SLC30A6: variants seen among roughly 807,000 people sequenced by gnomAD.
The protein encoded by SLC30A6 is zinc transporter 6.
SLC30A6 carries 55 observed loss-of-function variants against 63.0 expected under a neutral mutation model. The ratio of observed to expected loss-of-function variants is 0.87; its 90% CI spans 0.70 to 1.09. The LOEUF (loss-of-function observed/expected upper bound fraction) is 1.09, where lower values mean the gene tolerates loss of function less well. Among genes scored for constraint, SLC30A6 ranks in the 50% least tolerant of loss-of-function variants. SLC30A6 has a pLI of 0.00. For synonymous variants in SLC30A6, 224 were observed against 186.1 expected (o/e 1.20, Z -1.66); for missense variants, 587 against 549.2 (o/e 1.07, Z -0.69).
At chr2:32,194,697 G>C (rs1166842324) in intron 8 of SLC30A6, among the ~76,000 whole-genome samples, 3 of 151,744 alleles carry the variant, frequency 2.0e-5, no homozygotes, top group South Asian at 4.2e-4. Flanking sequence ...CTCTAGGATA[G>C]TCAAGAGAAG....
intron 4 of SLC30A6, among the ~76,000 whole-genome samples, chr2:32,177,992 G>A (rs1681932045): frequency 6.9e-6 from 1 of 145,664 alleles, no homozygotes; most frequent in African/African-American, 2.6e-5. Context: ...CTGTCGCCCA[G>A]GCTGGAGTGC....
intron 5 of SLC30A6, among the ~76,000 whole-genome samples, chr2:32,191,947 G>T (rs1325430691): frequency 6.6e-6 from 1 of 152,050 alleles, no homozygotes; most frequent in Non-Finnish European, 1.5e-5. Context: ...GCACTCTGGT[G>T]TCTAACGCAC....
At chr2:32,192,488 C>A in intron 6 of SLC30A6, 72 bp downstream of exon 6, 1 of 1,342,672 alleles carries the variant, frequency 7.4e-7, no homozygotes, top group Non-Finnish European at 1.1e-6. Context: ...ACCCGTCAGA[C>A]ACATTTGCTT....
At chr2:32,191,978 T>C (rs952287466) in intron 5 of SLC30A6, among the ~76,000 whole-genome samples, 19 of 152,176 alleles carry the variant, frequency 1.2e-4, no homozygotes, top group African/African-American at 3.9e-4. Flanking sequence ...TTAAGTGTTA[T>C]TATTATGATT....
intron 10 of SLC30A6, 73 bp downstream of exon 10, chr2:32,197,899 G>A: frequency 6.4e-7 from 1 of 1,568,286 alleles, no homozygotes; most frequent in South Asian, 1.2e-5. Flanking sequence ...CAGCAGGATG[G>A]ATAGTGGTCA....
At chr2:32,199,463 A>G (rs1037709839) in intron 10 of SLC30A6, among the ~76,000 whole-genome samples, 1 of 152,234 alleles carries the variant, frequency 6.6e-6, no homozygotes, top group Non-Finnish European at 1.5e-5. Flanking sequence ...TTTATGGGGT[A>G]CATGAGATAT....
chr2:32,206,577 C>G (rs932192269), intron 11 of SLC30A6, among the ~76,000 whole-genome samples: 7 of 152,134 alleles, frequency 4.6e-5, no homozygotes, highest in Non-Finnish European at 1.0e-4. Flanking sequence ...ATAATAGTTG[C>G]ATAGTGCTAT....
intron 10 of SLC30A6, chr2:32,201,846 A>G: frequency 7.0e-7 from 1 of 1,435,032 alleles, no homozygotes; most frequent in Non-Finnish European, 9.7e-7. Flanking sequence ...ATGAGAAATC[A>G]GAAACAAGAG....
At chr2:32,168,161 C>T (rs150364714) in intron 1 of SLC30A6, among the ~76,000 whole-genome samples, 6 of 149,810 alleles carry the variant, frequency 4.0e-5, no homozygotes, top group Non-Finnish European at 7.4e-5. Context: ...AAAGGTTTTG[C>T]GTTTATTAAG....
At position 32,224,369 on chromosome 2, in the gene SLC30A6, C is replaced by A; in HGVS notation, c.*3656C>A. 2.6e-6 allele frequency: 2 copies of A among 774,748 alleles called. No homozygotes were observed. The highest frequency in any genetic ancestry group is 4.1e-6 in the Non-Finnish European group (2 of 484,780). The allele number at this position is 774,748 out of a possible 1,614,324, so 48.0% of individuals were successfully genotyped here. ...TTTAATCATCAAATTAAACTTCTTT[C>A]CACGTCCTTATCTTCTTTGGCATCC... On this transcript the variant is annotated 3_prime_UTR_variant, in exon 14 of 14. Coordinates refer to ENST00000282587, the MANE Select transcript of SLC30A6 (RefSeq NM_017964.5).
intron 2 of SLC30A6, among the ~76,000 whole-genome samples, chr2:32,173,345 T>G (rs1681405107): frequency 6.6e-6 from 1 of 152,158 alleles, no homozygotes; most frequent in Admixed American, 6.6e-5. Flanking sequence ...CTCACCTTAC[T>G]TGGTTGATGT....
chr2:32,186,834 A>G (rs1682863591), intron 5 of SLC30A6, among the ~76,000 whole-genome samples: 1 of 151,604 alleles, frequency 6.6e-6, no homozygotes, highest in African/African-American at 2.4e-5. Context: ...CGTCTCTACA[A>G]AAAAATACAA....
At chr2:32,173,695 C>A (rs999550881) in intron 2 of SLC30A6, among the ~76,000 whole-genome samples, 9 of 152,058 alleles carry the variant, frequency 5.9e-5, no homozygotes, top group African/African-American at 1.7e-4. Context: ...CATCATCATG[C>A]CCTTTATTCA....
chr2:32,202,394 A>T (rs1230380596), intron 10 of SLC30A6: 1 of 272,506 alleles, frequency 3.7e-6, no homozygotes, highest in Admixed American at 4.8e-5. Flanking sequence ...CCCAGGCTGG[A>T]TCTCGGCTCA....
chr2:32,201,823 C>A, intron 10 of SLC30A6: 1 of 1,419,444 alleles, frequency 7.0e-7, no homozygotes, highest in South Asian at 1.2e-5. Flanking sequence ...GTCAAGCCAC[C>A]ATTATGACTC....
chr2:32,195,139 G>A (rs1380049053), intron 8 of SLC30A6, among the ~76,000 whole-genome samples: 1 of 101,842 alleles, frequency 9.8e-6, no homozygotes, highest in Non-Finnish European at 1.8e-5. Context: ...TCACTCTCTT[G>A]CCCAGGCTGG....
Position 32,203,030 on chromosome 2 carries a change from C to T in SLC30A6, c.666-1560C>T, listed in dbSNP as rs1452978464. On this transcript the variant is annotated intron_variant, in intron 10 of 13. Transcript: ENST00000282587. ...TAACTGAAATAGCCATGAATCCACA[C>T]ATAAAACAGAATGCCCAGTGTTTAC... 2.0e-5 allele frequency: 24 copies of T among 1,213,534 alleles called. No homozygotes were observed. The Admixed American group carries it at 3.7e-4, about 19-fold the overall frequency. The allele number at this position is 1,213,534 out of a possible 1,614,324, so 75.2% of individuals were successfully genotyped here.
intron 5 of SLC30A6, among the ~76,000 whole-genome samples, chr2:32,189,080 T>G (rs1407569799): frequency 1.3e-5 from 2 of 152,238 alleles, no homozygotes; most frequent in Non-Finnish European, 2.9e-5. Context: ...CATTCTTGTA[T>G]ATATCTTTTA....
intron 1 of SLC30A6, among the ~76,000 whole-genome samples, chr2:32,166,616 G>A (rs1316788194): frequency 2.0e-5 from 3 of 152,188 alleles, no homozygotes; most frequent in African/African-American, 7.2e-5. Flanking sequence ...AGTTGGTTGG[G>A]ATTTGAAGTG....
Sources: gnomAD v4.1 joint callset for allele counts (sites outside exome capture counted in the v4.1 genomes callset) on GRCh38, gnomAD v4.1.1 for gene constraint, MANE v1.5 for transcripts, NCBI Gene and HGNC (gene_info 2026-07-23, HGNC 2026-07-21) for gene names.